TMEM131L: variants seen among roughly 807,000 people sequenced by gnomAD.
TMEM131L encodes the protein transmembrane protein 131-like.
Under a neutral mutation model 192.2 loss-of-function variants are expected in TMEM131L, and 54 were observed. That is an observed-to-expected ratio of 0.28 (90% CI 0.23 to 0.35). The LOEUF (loss-of-function observed/expected upper bound fraction) is 0.35. TMEM131L is among the 10% of genes least tolerant of loss of function. The probability of loss-of-function intolerance (pLI) is 1.00; values close to 1 mark genes in which losing one functional copy is unlikely to be tolerated. For missense variants in TMEM131L, 1,888 were observed against 1,972.9 expected (o/e 0.96, Z 0.82); for synonymous variants, 701 against 704.9 (o/e 0.99, Z 0.09).
intron 19 of TMEM131L, 53 bp downstream of exon 19, chr4:153,593,924 A>G: frequency 8.9e-7 from 1 of 1,121,724 alleles, no homozygotes; most frequent in Non-Finnish European, 1.4e-6. Flanking sequence ...TAGACACATG[A>G]GCATACGGGC....
Position 153,555,471 on chromosome 4 carries a change from GTGTTT to G in TMEM131L, c.309-304_309-300del. ...GAGAAGTGCCAGTGAGTGCCTACAT[GTGTTT>G]TGTTTTGTTTTTTTGCAAGCATTTT... On this transcript the variant is annotated intron_variant, in intron 4 of 34. Transcript: ENST00000409959. This position sits in a 1 kb window ranked among gnomAD's most constrained non-coding sequence, Gnocchi z 4.1. Among the ~76,000 whole-genome samples, 1 of 152,090 alleles carries G rather than the reference GTGTTT, an allele frequency of 6.6e-6. No individual in the cohort carries two copies. The highest frequency in any genetic ancestry group is 2.1e-4 in the South Asian group (1 of 4,820).
chr4:153,557,911 CT>C (rs1728587140), intron 6 of TMEM131L, among the ~76,000 whole-genome samples: 1 of 152,204 alleles, frequency 6.6e-6, no homozygotes, highest in Non-Finnish European at 1.5e-5. Context: ...ATTCTCCTGC[CT>C]CAGCCTCCCA....
chr4:153,570,291 A>C (rs968955052), intron 7 of TMEM131L, among the ~76,000 whole-genome samples: 1 of 152,212 alleles, frequency 6.6e-6, no homozygotes, highest in African/African-American at 2.4e-5. Context: ...TTTAAGCAGA[A>C]TCGTCCCTAG....
intron 19 of TMEM131L, 49 bp downstream of exon 19, chr4:153,593,920 C>T: frequency 8.4e-7 from 1 of 1,188,894 alleles, no homozygotes; most frequent in Non-Finnish European, 1.3e-6. Flanking sequence ...AAACTAGACA[C>T]ATGAGCATAC....
chr4:153,468,560 G>A (rs1037289752), intron 2 of TMEM131L, among the ~76,000 whole-genome samples: 2 of 152,296 alleles, frequency 1.3e-5, no homozygotes, highest in African/African-American at 4.8e-5. Context: ...TTAACGCGAT[G>A]TATTTATTTT....
At chr4:153,488,285 T>C (rs1732506411) in intron 3 of TMEM131L, among the ~76,000 whole-genome samples, 1 of 152,164 alleles carries the variant, frequency 6.6e-6, no homozygotes, top group East Asian at 1.9e-4. Flanking sequence ...AAGGCAAAAC[T>C]GAAAGAAGTG....
intron 4 of TMEM131L, among the ~76,000 whole-genome samples, chr4:153,553,881 C>T (rs1379295505): frequency 1.3e-5 from 2 of 152,058 alleles, no homozygotes; most frequent in African/African-American, 4.8e-5. Context: ...AAATTTATAT[C>T]CTCATAACAC....
At position 153,546,130 on chromosome 4, in the gene TMEM131L, A is replaced by G. The variant is rs115280563; in HGVS notation, c.240-3943A>G. ...GGTCTCGAACTCCTAGGCTTGAGCA[A>G]TCCTCCCACCTTGTCCTCTTAAAGT... On this transcript the variant is annotated intron_variant, in intron 3 of 34. Transcript: ENST00000409959. Among the ~76,000 whole-genome samples, 478 of 151,726 alleles carry G rather than the reference A, an allele frequency of 3.2e-3. 2 individuals are homozygous for G. Among genetic ancestry groups the G allele is most frequent in the African/African-American group, 0.011 (441 of 41,312 alleles).
At chr4:153,487,488 G>A (rs1338227823) in intron 3 of TMEM131L, among the ~76,000 whole-genome samples, 2 of 152,126 alleles carry the variant, frequency 1.3e-5, no homozygotes, top group Admixed American at 1.3e-4. Context: ...AGGTGGGTTA[G>A]GCCATTGCAG....
intron 7 of TMEM131L, among the ~76,000 whole-genome samples, chr4:153,576,249 C>T (rs909782580): frequency 2.0e-5 from 3 of 152,224 alleles, no homozygotes; most frequent in South Asian, 4.1e-4. Context: ...CGTTGGCCAC[C>T]GCGCCCGGCC....
chr4:153,568,691 A>T (rs1045773697), intron 7 of TMEM131L, among the ~76,000 whole-genome samples: 4 of 152,252 alleles, frequency 2.6e-5, no homozygotes, highest in African/African-American at 9.6e-5. Context: ...ATTTATGAAG[A>T]TATGACACAC....
chr4:153,484,002 T>G (rs1414450486), intron 3 of TMEM131L, among the ~76,000 whole-genome samples: 2 of 152,178 alleles, frequency 1.3e-5, no homozygotes, highest in Non-Finnish European at 2.9e-5. Flanking sequence ...ATATTAAGCT[T>G]CTTATTGCTT....
At chr4:153,503,343 A>G (rs1006247395) in intron 3 of TMEM131L, among the ~76,000 whole-genome samples, 1 of 152,176 alleles carries the variant, frequency 6.6e-6, no homozygotes, top group African/African-American at 2.4e-5. Context: ...CAAAGATAGG[A>G]CAGGATTAAC....
rs149366465 is a variant in TMEM131L, at chr4:153,513,830, T to C, written c.240-36243T>C. On this transcript the variant is annotated intron_variant, in intron 3 of 34. Transcript: ENST00000409959. ...CTCTTTATGACCCTCTCTATGTCAT[T>C]ATCATGCTACAATTTTGTCAAGAAT... Among the ~76,000 whole-genome samples the C allele has an allele frequency of 2.0e-5, 3 of 152,336 alleles. No homozygotes were observed. The East Asian group carries it at 5.8e-4, about 29-fold the overall frequency.
At chr4:153,572,417 G>A (rs886321552) in intron 7 of TMEM131L, among the ~76,000 whole-genome samples, 1 of 152,080 alleles carries the variant, frequency 6.6e-6, no homozygotes, top group Non-Finnish European at 1.5e-5. Context: ...TGCAACCTCT[G>A]CCTCCCGGGT....
At chr4:153,586,662 G>A (rs1223332598) in intron 14 of TMEM131L, among the ~76,000 whole-genome samples, 2 of 152,102 alleles carry the variant, frequency 1.3e-5, no homozygotes, top group Non-Finnish European at 2.9e-5. Flanking sequence ...TCCAAAATTT[G>A]TAGAGCAACC....
chr4:153,496,372 G>T (rs1481047287), intron 3 of TMEM131L, among the ~76,000 whole-genome samples: 1 of 152,164 alleles, frequency 6.6e-6, no homozygotes, highest in Non-Finnish European at 1.5e-5. Context: ...TGAGGCACAG[G>T]GATAGTTGCT....
At chr4:153,579,618 C>T (rs1460331555) in intron 7 of TMEM131L, among the ~76,000 whole-genome samples, 1 of 152,112 alleles carries the variant, frequency 6.6e-6, no homozygotes, top group Non-Finnish European at 1.5e-5. Flanking sequence ...ACTATAAGCG[C>T]ACATCACCAC....
intron 7 of TMEM131L, among the ~76,000 whole-genome samples, chr4:153,572,004 T>C (rs1729619360): frequency 6.6e-6 from 1 of 152,274 alleles, no homozygotes; most frequent in Admixed American, 6.5e-5. Flanking sequence ...CTTCTCTTTT[T>C]ATATCTGTTT....
Sources: allele counts gnomAD v4.1 joint callset (sites outside exome capture counted in the v4.1 genomes callset), GRCh38; gene constraint gnomAD v4.1.1; non-coding constraint Gnocchi (gnomAD v3.1); transcripts MANE v1.5; gene names NCBI Gene and HGNC (gene_info 2026-07-23, HGNC 2026-07-21).